SLC4A3: variants seen among roughly 807,000 people sequenced by gnomAD.
SLC4A3 encodes the protein anion exchange protein 3.
Under a neutral mutation model 114.2 loss-of-function variants are expected in SLC4A3, and 47 were observed. The observed-to-expected ratio is 0.41, with a 90% CI of 0.33 to 0.52. SLC4A3 has a LOEUF of 0.52. SLC4A3 is among the 20% of genes least tolerant of loss of function. SLC4A3 has a pLI of 0.21. For missense variants in SLC4A3, 1,312 were observed against 1,668.3 expected (o/e 0.79, Z 3.72); for synonymous variants, 693 against 710.3 (o/e 0.98, Z 0.39).
In SLC4A3 at chr2:219,628,729, G is replaced by A; in HGVS notation, c.217+159G>A. The A allele has an allele frequency of 1.3e-6, 1 of 789,062 alleles. No individual in the cohort carries two copies. 48.9% of individuals were successfully genotyped at this position (789,062 alleles called of 1,614,324 possible). ...GCCACATGCCGTGTTCAGTCATCCT[G>A]CCTCCCCCACCCATCGCCTGTCCGC... is the stretch of plus-strand genomic sequence containing the variant. On this transcript the variant is annotated intron_variant, in intron 3 of 22. Transcript: ENST00000358055. This position sits in a 1 kb window ranked among gnomAD's most constrained non-coding sequence, Gnocchi z 4.8.
rs1414054264 is a variant in SLC4A3 at position 219,638,500 on chromosome 2, G to A, written c.2857-203G>A. Among the ~76,000 whole-genome samples the A allele has an allele frequency of 1.3e-5, 2 of 152,200 alleles. No individual in the cohort carries two copies. Among genetic ancestry groups the A allele is most frequent in the African/African-American group, 2.4e-5 (1 of 41,446 alleles). ...GTCCCCTGAAGCTCTGGGGCTCAGG[G>A]AGGAGGCGCTTCATTTCCCTGCCCT... On this transcript the variant is annotated intron_variant, in intron 18 of 22. Coordinates refer to ENST00000358055, the MANE Select transcript of SLC4A3 (RefSeq NM_005070.4). The surrounding 1 kb of genome is among the most constrained non-coding windows in gnomAD (Gnocchi z 7.5).
Position 219,638,887 on chromosome 2 carries a change from A to T in SLC4A3, c.3023+18A>T. On this transcript the variant is annotated intron_variant, in intron 19 of 22. Coordinates refer to ENST00000358055, the MANE Select transcript of SLC4A3 (RefSeq NM_005070.4). This position sits in a 1 kb window ranked among gnomAD's most constrained non-coding sequence, Gnocchi z 7.5. ...ATCACGGCGTGAGAGAGATGGGAGG[A>T]GGAGGTGGGAGGGACGAGGCCAAGC... 1 of 1,610,866 alleles carries T rather than the reference A, an allele frequency of 6.2e-7. No homozygotes were observed. Among genetic ancestry groups the T allele is most frequent in the Admixed American group, 1.7e-5 (1 of 59,968 alleles).
At position 219,639,424 on chromosome 2, in the gene SLC4A3, C is replaced by G; in HGVS notation, c.3024-58C>G. 1.3e-6 allele frequency: 2 copies of G among 1,583,142 alleles called. No homozygotes were observed. Among genetic ancestry groups the G allele is most frequent in the Non-Finnish European group, 1.7e-6 (2 of 1,165,620 alleles). On this transcript the variant is annotated intron_variant, in intron 19 of 22. Coordinates refer to ENST00000358055, the MANE Select transcript of SLC4A3 (RefSeq NM_005070.4). The surrounding 1 kb of genome is among the most constrained non-coding windows in gnomAD (Gnocchi z 5.9). ...ATCTCGTCTCTGTGTGCGTGCCTGT[C>G]TTTGTCCCCTGCCCCTGCCAGGCCA... is the stretch of plus-strand genomic sequence containing the variant.
At position 219,633,008 on chromosome 2, in the gene SLC4A3, AGGTGCCGG is replaced by A; in HGVS notation, c.1277+4_1277+11del. 2 of 1,613,914 alleles carry A rather than the reference AGGTGCCGG, an allele frequency of 1.2e-6. No homozygotes were observed. Among genetic ancestry groups the A allele is most frequent in the Non-Finnish European group, 1.7e-6 (2 of 1,179,950 alleles). On this transcript the variant is annotated splice_donor_variant and splice_donor_5th_base_variant and coding_sequence_variant and intron_variant, in exon 9 of 23. Coordinates refer to ENST00000358055, the MANE Select transcript of SLC4A3 (RefSeq NM_005070.4). LOFTEE classifies it high-confidence loss of function. ...CCTACGTACCCTGCTACTGAAGCAC[AGGTGCCGG>A]GGTGGGTCCCTGGGAGGGGCCTGTC...
chr2:219,633,383 G>A lies in SLC4A3; in HGVS notation c.1387G>A (p.Gly463Arg), dbSNP rs1699005976. The A allele has an allele frequency of 2.5e-6, 4 of 1,601,460 alleles. No homozygotes were observed. Among genetic ancestry groups the A allele is most frequent in the Admixed American group, 1.7e-5 (1 of 58,292 alleles). The change falls in exon 10 of 23, where the codon GGG becomes AGG. Residue 463 changes from glycine (G) to arginine (R), a missense_variant. By Grantham distance (125) the Gly-to-Arg change is moderately radical (BLOSUM62 -2). This residue lies in a region of SLC4A3 where 771 missense variants were observed against 977.7 expected (regional missense o/e 0.79). Transcript: ENST00000358055. ...CCCAACTCCCAGCCATGGCCCTGATGGGGCGGTGCCTACCATGGCTGATGA... is the reference window on the plus strand; with the variant it reads ...CCCAACTCCCAGCCATGGCCCTGATAGGGCGGTGCCTACCATGGCTGATGA... Reference protein sequence around the residue: ...HHPTPSHGPDGAVPTMADDLG... With the variant: ...HHPTPSHGPDRAVPTMADDLG...
rs542649125 is a variant in SLC4A3, at chr2:219,630,908, C to T, written c.811+556C>T. ...GCATCACTGATCCCTCCCCCTCCTC[C>T]GAGCCACAGTGTGTGGGTGGGGTGG... On this transcript the variant is annotated intron_variant, in intron 6 of 22. Coordinates refer to ENST00000358055, the MANE Select transcript of SLC4A3 (RefSeq NM_005070.4). The surrounding 1 kb of genome is among the most constrained non-coding windows in gnomAD (Gnocchi z 6.9). Among the ~76,000 whole-genome samples, 2 of 152,240 alleles carry T rather than the reference C, an allele frequency of 1.3e-5. No individual in the cohort carries two copies. Among genetic ancestry groups the T allele is most frequent in the Admixed American group, 6.5e-5 (1 of 15,296 alleles).
rs761813118 is a variant in SLC4A3 at position 219,638,156 on chromosome 2, C to A, written c.2767-8C>A. The A allele has an allele frequency of 6.2e-7, 1 of 1,607,732 alleles. No homozygotes were observed. The highest frequency in any genetic ancestry group is 1.1e-5 in the South Asian group (1 of 89,880). On this transcript the variant is annotated splice_region_variant and splice_polypyrimidine_tract_variant and intron_variant, in intron 17 of 22. Transcript: ENST00000358055. This position sits in a 1 kb window ranked among gnomAD's most constrained non-coding sequence, Gnocchi z 7.5. ...TTTTGCTCCCTTCCCCAACTGGCCC[C>A]TCTCAAGGCTCGTCGCATCATCGGG...
chr2:219,634,393 G>A (rs373665830), intron 11 of SLC4A3, 27 bp from the exon 12 acceptor site: 16 of 1,610,946 alleles, frequency 9.9e-6, no homozygotes, highest in Non-Finnish European at 1.3e-5. Flanking sequence ...TCTTTGCCCA[G>A]CGCCCTGTGC....
At position 219,628,093 on chromosome 2, in the gene SLC4A3, G is replaced by T. The variant is rs1465982304; in HGVS notation, c.51+50G>T. The T allele has an allele frequency of 7.7e-6, 11 of 1,426,532 alleles. No homozygotes were observed. The East Asian group carries it at 2.9e-4, about 38-fold the overall frequency. 88.4% of individuals were successfully genotyped at this position (1,426,532 alleles called of 1,614,324 possible). A position where few individuals can be genotyped will look rare whatever the true frequency, so the allele number is the denominator to read the frequency against. On this transcript the variant is annotated intron_variant, in intron 2 of 22. Coordinates refer to ENST00000358055, the MANE Select transcript of SLC4A3 (RefSeq NM_005070.4). The surrounding 1 kb of genome is among the most constrained non-coding windows in gnomAD (Gnocchi z 4.8). ...GGAGAGATGGGGGAGGAGAGGGGAGGGACCTTAGGGTGGGCAGAGGAGTCC... is the reference window on the plus strand; with the variant it reads ...GGAGAGATGGGGGAGGAGAGGGGAGTGACCTTAGGGTGGGCAGAGGAGTCC...
rs527527525 is a variant in SLC4A3 at position 219,631,119 on chromosome 2, G to A, written c.811+767G>A. The stretch of plus-strand genomic sequence containing the variant: ...CTTGTGGACTTGGGGAGTTGGGGTC[G>A]GGAGGCTGTGCCACCTTCAGCTCTG... On this transcript the variant is annotated intron_variant, in intron 6 of 22. Transcript: ENST00000358055. This position sits in a 1 kb window ranked among gnomAD's most constrained non-coding sequence, Gnocchi z 6.3. The A allele has an allele frequency of 4.0e-5, 46 of 1,158,974 alleles. No individual in the cohort carries two copies. The highest frequency in any genetic ancestry group is 2.3e-4 in the African/African-American group (14 of 61,978). The allele number at this position is 1,158,974 out of a possible 1,614,324, so 71.8% of individuals were successfully genotyped here. A position where few individuals can be genotyped will look rare whatever the true frequency, so the allele number is the denominator to read the frequency against.
At chr2:219,634,714 T>A in intron 12 of SLC4A3, 110 bp downstream of exon 12, 4 of 1,157,630 alleles carry the variant, frequency 3.5e-6, no homozygotes, top group Admixed American at 2.5e-5. Context: ...GGCCCCTGGG[T>A]GGAGGCCATG....
In SLC4A3 at chr2:219,635,661, T is replaced by C. The variant is rs945632384; in HGVS notation, c.1973-12T>C. ...GAGTGGTCTGTGCCCCAGCAGCCCC[T>C]TGTTCCCCCAGAACTGTCTTTGGAG... On this transcript the variant is annotated splice_polypyrimidine_tract_variant and intron_variant, in intron 13 of 22. Coordinates refer to ENST00000358055, the MANE Select transcript of SLC4A3 (RefSeq NM_005070.4). 3.2e-6 allele frequency: 5 copies of C among 1,568,644 alleles called. No individual in the cohort carries two copies. Among genetic ancestry groups the C allele is most frequent in the Non-Finnish European group, 4.3e-6 (5 of 1,157,068 alleles).
In SLC4A3 at chr2:219,635,369, G is replaced by A. The variant is rs1699078685; in HGVS notation, c.1845G>A (p.Glu615=). The change falls in exon 13 of 23, where the codon GAG becomes GAA. Residue 615 remains glutamate, a synonymous_variant. Transcript: ENST00000358055. The part of the protein sequence containing the change: ...LDGSIVIPPS[E]VEGRDLLRSV... ...GCAGCATTGTGATCCCCCCGTCCGA[G>A]GTGGAGGGCCGTGACCTGCTGCGCT... is the stretch of plus-strand genomic sequence containing the variant. 6.2e-7 allele frequency: 1 copy of A among 1,614,200 alleles called. No individual in the cohort carries two copies. Among genetic ancestry groups the A allele is most frequent in the Non-Finnish European group, 8.5e-7 (1 of 1,180,036 alleles).
chr2:219,639,469 C>T lies in SLC4A3; in HGVS notation c.3024-13C>T. On this transcript the variant is annotated splice_polypyrimidine_tract_variant and intron_variant, in intron 19 of 22. Coordinates refer to ENST00000358055, the MANE Select transcript of SLC4A3 (RefSeq NM_005070.4). This position sits in a 1 kb window ranked among gnomAD's most constrained non-coding sequence, Gnocchi z 5.9. ...AGGCCAGCCACACCCCGCTCCCCAC[C>T]TTCTCCCTGCAGGCTTATCGTCAGC... 6.2e-7 allele frequency: 1 copy of T among 1,609,268 alleles called. No homozygotes were observed. The highest frequency in any genetic ancestry group is 8.5e-7 in the Non-Finnish European group (1 of 1,177,536).
chr2:219,633,156 A>C (rs1173348464), intron 9 of SLC4A3, 118 bp from the exon 10 acceptor site: 4 of 1,388,200 alleles, frequency 2.9e-6, no homozygotes, highest in African/African-American at 1.4e-5. Context: ...CAATCATTAT[A>C]AAGTTTCTTT....
In SLC4A3 at chr2:219,627,892, TCCC is replaced by T. The variant is rs1430518435; in HGVS notation, c.-93-5_-93-3del. The stretch of plus-strand genomic sequence containing the variant: ...CGCAAGGAACCTGACCCCGCCCTCC[TCCC>T]CCAGGGCTCCCCGCTAGGCCCCCTC... On this transcript the variant is annotated splice_polypyrimidine_tract_variant and splice_region_variant and intron_variant, in intron 1 of 22. Transcript: ENST00000358055. 1.6e-5 allele frequency: 14 copies of T among 849,930 alleles called. No homozygotes were observed. The highest frequency in any genetic ancestry group is 2.4e-5 in the Non-Finnish European group (13 of 543,886). The allele number at this position is 849,930 out of a possible 1,614,324, so 52.6% of individuals were successfully genotyped here. A position where few individuals can be genotyped will look rare whatever the true frequency, so the allele number is the denominator to read the frequency against.
In SLC4A3 at chr2:219,637,571, C is replaced by A. The variant is rs771107574; in HGVS notation, c.2536-10C>A. The A allele has an allele frequency of 4.1e-6, 6 of 1,465,540 alleles. No individual in the cohort carries two copies. The East Asian group carries it at 6.9e-5, about 17-fold the overall frequency. The allele number at this position is 1,465,540 out of a possible 1,614,324, so 90.8% of individuals were successfully genotyped here. On this transcript the variant is annotated splice_polypyrimidine_tract_variant and intron_variant, in intron 16 of 22. Coordinates refer to ENST00000358055, the MANE Select transcript of SLC4A3 (RefSeq NM_005070.4). This position sits in a 1 kb window ranked among gnomAD's most constrained non-coding sequence, Gnocchi z 4.6. The stretch of plus-strand genomic sequence containing the variant: ...GTGAGTGACAAGGCATCCTTGTTAT[C>A]CACACACAGGTGTTCACAGAGCACC...
chr2:219,631,164 G>A lies in SLC4A3; in HGVS notation c.812-804G>A, dbSNP rs529889123. 2.9e-4 allele frequency: 343 copies of A among 1,184,618 alleles called. 1 individual carries two copies. The African/African-American group carries it at 4.9e-3, about 17-fold the overall frequency. The allele number at this position is 1,184,618 out of a possible 1,614,324, so 73.4% of individuals were successfully genotyped here. A position where few individuals can be genotyped will look rare whatever the true frequency, so the allele number is the denominator to read the frequency against. On this transcript the variant is annotated intron_variant, in intron 6 of 22. Coordinates refer to ENST00000358055, the MANE Select transcript of SLC4A3 (RefSeq NM_005070.4). The surrounding 1 kb of genome is among the most constrained non-coding windows in gnomAD (Gnocchi z 6.3). ...GCTCTGGTTGGACAGAAGCCACCCC[G>A]TCCAGGCTCCCACCTTGTAGGAGAG...
Position 219,636,830 on chromosome 2 carries a change from A to G in SLC4A3, c.2491A>G (p.Ile831Val). 6.2e-7 allele frequency: 1 copy of G among 1,613,912 alleles called. No individual in the cohort carries two copies. The highest frequency in any genetic ancestry group is 8.5e-7 in the Non-Finnish European group (1 of 1,179,944). The change falls in exon 16 of 23, where the codon ATC becomes GTC. Residue 831 changes from isoleucine to valine, a missense_variant. Ile to Val is a conservative substitution (Grantham distance 29, BLOSUM62 3). Around this residue, in one of 4 missense-constraint regions of SLC4A3, gnomAD observed 771 missense variants for 977.7 expected, o/e 0.79. Transcript: ENST00000358055. This position sits in a 1 kb window ranked among gnomAD's most constrained non-coding sequence, Gnocchi z 5.5. ...CACCCAGGAGATCTTTGCCTTTCTC[A>G]TCTCACTCATTTTCATCTACGAGAC... ...PFTQEIFAFL[I>V]SLIFIYETFY... is the part of the protein sequence containing the mutation.
Sources: gnomAD v4.1 joint callset for allele counts (sites outside exome capture counted in the v4.1 genomes callset) on GRCh38, gnomAD v4.1.1 for gene constraint, gnomAD v4.1.1 regional missense constraint, Gnocchi (gnomAD v3.1) non-coding constraint, MANE v1.5 for transcripts, NCBI Gene and HGNC (gene_info 2026-07-23, HGNC 2026-07-21) for gene names.